Variants in NTRK2 observed in about 807,000 individuals in gnomAD.
NTRK2 encodes BDNF/NT-3 growth factors receptor.
NTRK2 carries 13 observed loss-of-function variants against 94.5 expected under a neutral mutation model. The ratio of observed to expected loss-of-function variants is 0.14; its 90% confidence interval spans 0.09 to 0.22. NTRK2 has a LOEUF of 0.22. Ranked by LOEUF, NTRK2 falls within the 10% of genes least tolerant of loss-of-function variation. The pLI is 1.00. For synonymous variants in NTRK2, 372 were observed against 407.4 expected, an observed-to-expected ratio of 0.91 and a Z score of 1.05; for missense variants, 639 against 1,071.2, an observed-to-expected ratio of 0.60 and a Z score of 5.63.
chr9:84,922,486 C>T (rs2077599259), intron 14 of NTRK2, among the ~76,000 whole-genome samples: 1 of 152,214 alleles, frequency 6.6e-6, no homozygotes, highest in Non-Finnish European at 1.5e-5. Flanking sequence ...GTTAGACTCT[C>T]CATCTTTTGA....
intron 12 of NTRK2, among the ~76,000 whole-genome samples, chr9:84,834,570 T>A (rs576251435): frequency 6.6e-6 from 1 of 152,274 alleles, no homozygotes; most frequent in Admixed American, 6.5e-5. Flanking sequence ...GAAGCATTGT[T>A]CTAGTCACTT....
At chr9:84,916,503 A>C (rs912762041) in intron 14 of NTRK2, among the ~76,000 whole-genome samples, 1 of 152,152 alleles carries the variant, frequency 6.6e-6, no homozygotes, top group African/African-American at 2.4e-5. Context: ...AGGCACTACC[A>C]ATCAATAGGT....
chr9:84,963,548 G>A (rs1310390843), intron 17 of NTRK2, among the ~76,000 whole-genome samples: 1 of 152,086 alleles, frequency 6.6e-6, no homozygotes, highest in African/African-American at 2.4e-5. Context: ...ACTGGTCTTG[G>A]GCAATTTGAT....
chr9:84,674,583 GT>G (rs956013274), intron 2 of NTRK2, among the ~76,000 whole-genome samples: 2 of 152,146 alleles, frequency 1.3e-5, no homozygotes, highest in Admixed American at 1.3e-4. Context: ...TTTGGACTGT[GT>G]CTTATATGCA....
chr9:84,814,391 C>G, intron 12 of NTRK2: 1 of 1,065,656 alleles, frequency 9.4e-7, no homozygotes, highest in Non-Finnish European at 1.1e-6. Context: ...GAGGGAAGCC[C>G]GCTTTCTCTC....
intron 12 of NTRK2, among the ~76,000 whole-genome samples, chr9:84,833,484 GGAAA>G (rs746631392): frequency 4.8e-5 from 7 of 147,190 alleles, no homozygotes; most frequent in South Asian, 4.3e-4. Context: ...GGAAGGAACA[GGAAA>G]GAAAGAAAGA....
intron 12 of NTRK2, chr9:84,812,056 A>G (rs958164756): frequency 1.3e-5 from 14 of 1,060,426 alleles, no homozygotes; most frequent in Non-Finnish European, 1.6e-5. Flanking sequence ...TGTTTTAAAA[A>G]TTTATTTTTT....
At chr9:84,968,415 T>C (rs1375041265) in intron 17 of NTRK2, among the ~76,000 whole-genome samples, 1 of 152,156 alleles carries the variant, frequency 6.6e-6, no homozygotes, top group Non-Finnish European at 1.5e-5. Context: ...GCTGTGTTGG[T>C]TGCAAGAAGA....
intron 8 of NTRK2, among the ~76,000 whole-genome samples, chr9:84,724,866 T>C (rs1411219156): frequency 6.6e-6 from 1 of 152,244 alleles, no homozygotes; most frequent in Non-Finnish European, 1.5e-5. Context: ...TGAAAATTAT[T>C]ATCACCGGTA....
At chr9:84,736,325 A>G (rs1405140874) in intron 9 of NTRK2, among the ~76,000 whole-genome samples, 4 of 152,202 alleles carry the variant, frequency 2.6e-5, no homozygotes, top group African/African-American at 9.7e-5. Context: ...GGAACAAACT[A>G]TAAATATTGG....
chr9:84,910,578 C>G (rs1359784945), intron 14 of NTRK2, among the ~76,000 whole-genome samples: 1 of 152,052 alleles, frequency 6.6e-6, no homozygotes, highest in Non-Finnish European at 1.5e-5. Context: ...CTGCAAAGAC[C>G]CTATTCCAAA....
intron 14 of NTRK2, among the ~76,000 whole-genome samples, chr9:84,908,269 AG>A (rs1276663820): frequency 1.7e-4 from 26 of 152,242 alleles, no homozygotes; most frequent in Non-Finnish European, 2.8e-4. Flanking sequence ...AAGAAAACTG[AG>A]GTGAAGCACT....
At chr9:84,675,813 T>C (rs1054903783) in intron 2 of NTRK2, among the ~76,000 whole-genome samples, 1 of 152,188 alleles carries the variant, frequency 6.6e-6, no homozygotes, top group Non-Finnish European at 1.5e-5. Flanking sequence ...CACTGTGGCC[T>C]GATAATTTTA....
chr9:84,922,240 C>A (rs1210059706), intron 14 of NTRK2, among the ~76,000 whole-genome samples: 1 of 152,174 alleles, frequency 6.6e-6, no homozygotes, highest in Admixed American at 6.5e-5. Flanking sequence ...TGGCATCCTG[C>A]CATCCTGGAA....
chr9:84,818,324 T>C (rs1474042593), intron 12 of NTRK2, among the ~76,000 whole-genome samples: 3 of 152,200 alleles, frequency 2.0e-5, no homozygotes, highest in Non-Finnish European at 4.4e-5. Context: ...GGGCACAATT[T>C]GAAAGACGGT....
chr9:84,860,745 G>A (rs1163642196), intron 12 of NTRK2, among the ~76,000 whole-genome samples: 2 of 152,074 alleles, frequency 1.3e-5, no homozygotes, highest in African/African-American at 4.8e-5. Context: ...TTAACCCTGG[G>A]TTGTGGCTAT....
chr9:84,851,821 T>C (rs371197326), intron 12 of NTRK2, among the ~76,000 whole-genome samples: 2 of 152,348 alleles, frequency 1.3e-5, no homozygotes, highest in African/African-American at 4.8e-5. Flanking sequence ...AAAAGTTTCC[T>C]GTGCGGTGCT....
intron 6 of NTRK2, among the ~76,000 whole-genome samples, chr9:84,717,856 A>G (rs1313170302): frequency 6.6e-6 from 1 of 152,192 alleles, no homozygotes; most frequent in Non-Finnish European, 1.5e-5. Flanking sequence ...CAATCAAAGA[A>G]CTGATTATGT....
At chr9:84,822,125 A>T (rs1277179107) in intron 12 of NTRK2, among the ~76,000 whole-genome samples, 1 of 152,186 alleles carries the variant, frequency 6.6e-6, no homozygotes, top group Non-Finnish European at 1.5e-5. Context: ...GGTAATGCAT[A>T]AAGTATCAGA....
Sources: allele counts gnomAD v4.1 joint callset (sites outside exome capture counted in the v4.1 genomes callset), GRCh38; gene constraint gnomAD v4.1.1; transcripts MANE v1.5; gene names NCBI Gene and HGNC (gene_info 2026-07-23, HGNC 2026-07-21).